The following ACSF2 variants were observed in gnomAD, a reference collection of about 807,000 sequenced individuals.
ACSF2 encodes the protein medium-chain acyl-CoA ligase ACSF2, mitochondrial.
In ACSF2, 52 loss-of-function variants were observed where a neutral mutation model predicts 79.3. The observed-to-expected ratio is 0.66, with a 90% CI of 0.53 to 0.83. The LOEUF (loss-of-function observed/expected upper bound fraction) is 0.83. Among genes scored for constraint, ACSF2 ranks in the 40% least tolerant of loss-of-function variants. ACSF2 has a pLI of 0.00. For synonymous variants in ACSF2, 283 were observed against 312.6 expected, an observed-to-expected ratio of 0.91 and a Z score of 1.00; for missense variants, 661 against 803.3, an observed-to-expected ratio of 0.82 and a Z score of 2.14.
intron 10 of ACSF2, chr17:50,468,094 C>G: frequency 6.2e-7 from 1 of 1,613,252 alleles, no homozygotes; most frequent in East Asian, 2.2e-5. Flanking sequence ...TGCCAAAGGA[C>G]TGGAAGGCAT....
At chr17:50,426,846 A>G (rs924740723) in intron 1 of ACSF2, 2 of 1,506,240 alleles carry the variant, frequency 1.3e-6, no homozygotes, top group African/African-American at 1.4e-5. Context: ...TCAGCTGCTC[A>G]CTAACATGGC....
At chr17:50,447,964 G>A (rs905675228) in intron 1 of ACSF2, among the ~76,000 whole-genome samples, 14 of 152,332 alleles carry the variant, frequency 9.2e-5, no homozygotes, top group Admixed American at 2.0e-4. Context: ...TCAGAGAAGC[G>A]CTCAGAGTGT....
At chr17:50,468,816 C>G (rs1351826998) in intron 10 of ACSF2, 2 of 1,516,574 alleles carry the variant, frequency 1.3e-6, no homozygotes, top group Admixed American at 2.1e-5. Context: ...CGGACCATGG[C>G]TGGGACGCCT....
At position 50,463,024 on chromosome 17, in the gene ACSF2, A is replaced by G. The variant is rs2032445274; in HGVS notation, c.793-132A>G. On this transcript the variant is annotated intron_variant, in intron 6 of 15. Coordinates refer to ENST00000300441, the MANE Select transcript of ACSF2 (RefSeq NM_025149.6). The surrounding 1 kb of genome is among the most constrained non-coding windows in gnomAD (Gnocchi z 4.6). Reference sequence around the variant, plus strand: ...TGGTATCGTGGTAGACCTTTTGCAAATATACTGAACAGATGGATCTGGGGC... The same window carrying G: ...TGGTATCGTGGTAGACCTTTTGCAAGTATACTGAACAGATGGATCTGGGGC... The G allele has an allele frequency of 3.9e-6, 3 of 760,406 alleles. No homozygotes were observed. In the Admixed American group the frequency reaches 7.0e-5, roughly 18 times the overall value. The allele number at this position is 760,406 out of a possible 1,614,324, so 47.1% of individuals were successfully genotyped here.
chr17:50,471,875 T>C lies in ACSF2; in HGVS notation c.1324-553T>C, dbSNP rs540516553. The C allele has an allele frequency of 6.4e-6, 1 of 156,188 alleles. No individual in the cohort carries two copies. The highest frequency in any genetic ancestry group is 2.0e-4 in the South Asian group (1 of 5,042). 9.7% of individuals were successfully genotyped at this position (156,188 alleles called of 1,614,324 possible). On this transcript the variant is annotated intron_variant, in intron 11 of 15. Coordinates refer to ENST00000300441, the MANE Select transcript of ACSF2 (RefSeq NM_025149.6). The surrounding 1 kb of genome is among the most constrained non-coding windows in gnomAD (Gnocchi z 4.1). ...GTGTGCTACAGCTGCACTGCCACTG[T>C]CACTAAGATGCCCACCTGGAAGGGA...
intron 3 of ACSF2, 81 bp from the exon 4 acceptor site, chr17:50,461,552 C>G: frequency 6.2e-7 from 1 of 1,606,260 alleles, no homozygotes; most frequent in Non-Finnish European, 8.5e-7. Flanking sequence ...AGTGCTGCCT[C>G]TATGCCTCCT....
intron 1 of ACSF2, among the ~76,000 whole-genome samples, chr17:50,449,280 G>GT (rs1017271804): frequency 8.4e-4 from 128 of 152,130 alleles, no homozygotes; most frequent in African/African-American, 3.0e-3. Flanking sequence ...GCCTCCCAAA[G>GT]TGCTAGGATT....
intron 1 of ACSF2, among the ~76,000 whole-genome samples, chr17:50,440,690 G>A (rs2030831480): frequency 6.6e-6 from 1 of 152,210 alleles, no homozygotes; most frequent in African/African-American, 2.4e-5. Context: ...GCATTGCCCT[G>A]AACCAGCTGG....
At chr17:50,458,779 G>A (rs529606085) in intron 1 of ACSF2, among the ~76,000 whole-genome samples, 2 of 152,212 alleles carry the variant, frequency 1.3e-5, no homozygotes, top group Non-Finnish European at 2.9e-5. Context: ...CCATAGTATG[G>A]GTGGCCCCAG....
intron 1 of ACSF2, among the ~76,000 whole-genome samples, chr17:50,430,307 C>G (rs1350147285): frequency 6.6e-6 from 1 of 152,170 alleles, no homozygotes; most frequent in African/African-American, 2.4e-5. Flanking sequence ...CAGACTGCAA[C>G]CGGGAGCATA....
intron 3 of ACSF2, 38 bp downstream of exon 3, chr17:50,461,408 G>T: frequency 6.2e-7 from 1 of 1,612,624 alleles, no homozygotes; most frequent in South Asian, 1.1e-5. Flanking sequence ...TGGTGTGCAT[G>T]GGGGAACATC....
chr17:50,465,428 G>A, intron 10 of ACSF2: 1 of 1,613,950 alleles, frequency 6.2e-7, no homozygotes, highest in Non-Finnish European at 8.5e-7. Context: ...GGAGGCCTTG[G>A]CTTCCAGCCA....
chr17:50,444,761 T>C (rs1269806132), intron 1 of ACSF2, among the ~76,000 whole-genome samples: 1 of 152,104 alleles, frequency 6.6e-6, no homozygotes, highest in Non-Finnish European at 1.5e-5. Flanking sequence ...CTCATGTTTG[T>C]TTTTCTTTGA....
Position 50,462,406 on chromosome 17 carries a change from G to T in ACSF2, c.627-14G>T. 1 of 1,567,172 alleles carries T rather than the reference G, an allele frequency of 6.4e-7. No individual in the cohort carries two copies. ...CCCTCAGCCCCTGTCTCTCACCATC[G>T]TCCCCAACCCCAGGCTCCCAGATCT... is the stretch of plus-strand genomic sequence containing the variant. On this transcript the variant is annotated splice_polypyrimidine_tract_variant and intron_variant, in intron 5 of 15. Transcript: ENST00000300441.
At chr17:50,461,128 C>A (rs1333602915) in intron 2 of ACSF2, 114 bp from the exon 3 acceptor site, 2 of 1,494,052 alleles carry the variant, frequency 1.3e-6, no homozygotes, top group Admixed American at 3.9e-5. Flanking sequence ...ATCTGCCTGT[C>A]CCTTTGTCCC....
chr17:50,455,792 C>G (rs113119994), intron 1 of ACSF2, among the ~76,000 whole-genome samples: 1 of 152,176 alleles, frequency 6.6e-6, no homozygotes, highest in Non-Finnish European at 1.5e-5. Context: ...CTCGGGTCCT[C>G]GAGTCCCTGG....
At chr17:50,427,022 ACC>A in intron 1 of ACSF2, 1 of 1,528,078 alleles carries the variant, frequency 6.5e-7, no homozygotes, top group Non-Finnish European at 8.8e-7. Flanking sequence ...CCTTGGGAGG[ACC>A]CCGTGAGATG....
intron 1 of ACSF2, among the ~76,000 whole-genome samples, chr17:50,430,946 T>C (rs1349762866): frequency 6.6e-6 from 1 of 152,212 alleles, no homozygotes; most frequent in African/African-American, 2.4e-5. Flanking sequence ...TTTTCTGTTC[T>C]TGTGACCAAC....
intron 1 of ACSF2, among the ~76,000 whole-genome samples, chr17:50,444,490 A>C (rs2031160885): frequency 1.3e-5 from 2 of 152,010 alleles, no homozygotes; most frequent in Admixed American, 1.3e-4. Context: ...GGGAGGTAGA[A>C]GTTGCAATGA....
Sources: allele counts gnomAD v4.1 joint callset (sites outside exome capture counted in the v4.1 genomes callset), GRCh38; gene constraint gnomAD v4.1.1; non-coding constraint Gnocchi (gnomAD v3.1); transcripts MANE v1.5; gene names NCBI Gene and HGNC (gene_info 2026-07-23, HGNC 2026-07-21).